The following SYT3 variants were observed in gnomAD, a reference collection of about 807,000 sequenced individuals.
SYT3 encodes the protein synaptotagmin-3.
A neutral mutation model predicts 50.6 loss-of-function variants in SYT3; 25 were observed. The ratio of observed to expected loss-of-function variants is 0.49; its 90% CI spans 0.36 to 0.69. The LOEUF (loss-of-function observed/expected upper bound fraction) is 0.69, where lower values mean the gene tolerates loss of function less well. Among genes scored for constraint, SYT3 ranks in the 30% least tolerant of loss-of-function variants. SYT3 has a pLI of 0.00. For synonymous variants in SYT3, 323 were observed against 353.9 expected (o/e 0.91, Z 0.98); for missense variants, 589 against 793.6 (o/e 0.74, Z 3.10).
chr19:50,631,690 C>T (rs1323405514), intron 4 of SYT3, among the ~76,000 whole-genome samples: 1 of 151,922 alleles, frequency 6.6e-6, no homozygotes, highest in East Asian at 1.9e-4. Context: ...ATCTCCACCT[C>T]CAGGAAGCTC....
At chr19:50,656,069 G>A in the SYT3 span, 1 of 1,536,026 alleles carries the variant, frequency 6.5e-7, no homozygotes. Flanking sequence ...TTATGGACCT[G>A]GAGACCCCAG....
the SYT3 span, among the ~76,000 whole-genome samples, chr19:50,645,660 C>A: frequency 6.6e-6 from 1 of 152,158 alleles, no homozygotes; most frequent in Non-Finnish European, 1.5e-5. Context: ...AGGCAGATAG[C>A]TTGAGCTCAA....
In SYT3 at chr19:50,638,234, A is replaced by G. The variant is rs1273856180; in HGVS notation, c.-16+791T>C. ...CGGGGGGCAGTGGCGCCAGGATGGG[A>G]AAAGCATTTTAAAGAAAAGCATTTT... On this transcript the variant is annotated intron_variant, in intron 2 of 10. Coordinates refer to ENST00000600079, the MANE Select transcript of SYT3 (RefSeq NM_001160329.2). Among the ~76,000 whole-genome samples the G allele has an allele frequency of 4.6e-5, 7 of 152,160 alleles. No individual in the cohort carries two copies. The East Asian group carries it at 1.2e-3, about 25-fold the overall frequency.
the SYT3 span, among the ~76,000 whole-genome samples, chr19:50,647,531 A>G: frequency 6.6e-6 from 1 of 151,452 alleles, no homozygotes; most frequent in East Asian, 1.9e-4. Context: ...AAAAAAATAA[A>G]TAGCTGGGCG....
At chr19:50,644,061 A>G (rs139165072), upstream of SYT3, among the ~76,000 whole-genome samples, 197 of 152,350 alleles carry the variant, frequency 1.3e-3, 1 homozygote, top group African/African-American at 4.3e-3. Context: ...TGTCAAGCAC[A>G]CAAGCCCCGT....
At chr19:50,658,078 C>G in the SYT3 span, 1 of 1,536,004 alleles carries the variant, frequency 6.5e-7, no homozygotes, top group Non-Finnish European at 8.7e-7. Flanking sequence ...TGAGCAGCAT[C>G]CGCTTTGAGA....
At chr19:50,630,226 G>T in intron 4 of SYT3, 55 bp from the exon 5 acceptor site, 1 of 1,451,906 alleles carries the variant, frequency 6.9e-7, no homozygotes, top group Non-Finnish European at 9.1e-7. Flanking sequence ...ATCTTCGACT[G>T]CATGCAGAGA....
the SYT3 span, chr19:50,649,443 G>C: frequency 1.3e-6 from 2 of 1,536,208 alleles, no homozygotes; most frequent in Middle Eastern, 1.7e-4. Flanking sequence ...CACCTTCCCA[G>C]GATGCAGCCA....
the SYT3 span, among the ~76,000 whole-genome samples, chr19:50,656,979 AGAAG>A: frequency 0.2 from 29,524 of 144,112 alleles, 3,460 homozygotes; most frequent in African/African-American, 0.3. Flanking sequence ...AAAGAAAGAA[AGAAG>A]GAAGGAAGGA....
At chr19:50,636,558 T>C (rs1026008251) in intron 3 of SYT3, among the ~76,000 whole-genome samples, 2 of 152,250 alleles carry the variant, frequency 1.3e-5, no homozygotes, top group Non-Finnish European at 2.9e-5. Flanking sequence ...CTTCCTCTGG[T>C]CACCGTTTCC....
Position 50,625,680 on chromosome 19 carries a change from C to G in SYT3, c.1403-116G>C. On this transcript the variant is annotated intron_variant, in intron 7 of 10. Coordinates refer to ENST00000600079, the MANE Select transcript of SYT3 (RefSeq NM_001160329.2). The surrounding 1 kb of genome is among the most constrained non-coding windows in gnomAD (Gnocchi z 7.5). ...CCCAGAGGTCCGGGGCCCCAGGCCC[C>G]CAGTCCCTCCTTCCTCAGGCCCAAG... The G allele has an allele frequency of 7.1e-7, 1 of 1,413,718 alleles. No homozygotes were observed. Among genetic ancestry groups the G allele is most frequent in the Non-Finnish European group, 9.4e-7 (1 of 1,061,996 alleles). 87.6% of individuals were successfully genotyped at this position (1,413,718 alleles called of 1,614,324 possible).
chr19:50,632,158 C>G lies in SYT3; in HGVS notation c.674+128G>C, dbSNP rs1984329428. 1 of 1,103,494 alleles carries G rather than the reference C, an allele frequency of 9.1e-7. No homozygotes were observed. Among genetic ancestry groups the G allele is most frequent in the Admixed American group, 2.5e-5 (1 of 39,902 alleles). 68.4% of individuals were successfully genotyped at this position (1,103,494 alleles called of 1,614,324 possible). On this transcript the variant is annotated intron_variant, in intron 4 of 10. Transcript: ENST00000600079. The surrounding 1 kb of genome is among the most constrained non-coding windows in gnomAD (Gnocchi z 4.7). ...TCTAGGGCCCCAGCCTCCTCTTTCC[C>G]TAAGATCCAGGAGTCAATACCCCGA...
chr19:50,634,424 C>T (rs1984425713), intron 3 of SYT3, among the ~76,000 whole-genome samples: 1 of 152,182 alleles, frequency 6.6e-6, no homozygotes, highest in Non-Finnish European at 1.5e-5. Flanking sequence ...GACATTAATC[C>T]TTATGACATT....
rs1044146912 is a variant in SYT3 at position 50,632,902 on chromosome 19, GCCATGCAATTGT to G, written c.149-103_149-92del. The G allele has an allele frequency of 6.2e-6, 7 of 1,129,094 alleles. No individual in the cohort carries two copies. In the African/African-American group the frequency reaches 1.1e-4, roughly 18 times the overall value. 69.9% of individuals were successfully genotyped at this position (1,129,094 alleles called of 1,614,324 possible). On this transcript the variant is annotated intron_variant, in intron 3 of 10. Coordinates refer to ENST00000600079, the MANE Select transcript of SYT3 (RefSeq NM_001160329.2). The surrounding 1 kb of genome is among the most constrained non-coding windows in gnomAD (Gnocchi z 4.7). ...CCCAAAGAGTTAACCCTTCATATTT[GCCATGCAATTGT>G]CCATGCAATTGCAAGTGCCAGGCAC...
Position 50,625,197 on chromosome 19 carries a change from G to A in SYT3, c.1672C>T (p.Arg558Cys), listed in dbSNP as rs1190070708. The A allele has an allele frequency of 6.2e-7, 1 of 1,602,680 alleles. No homozygotes were observed. The highest frequency in any genetic ancestry group is 1.3e-5 in the African/African-American group (1 of 74,976). ...EHWAEMLANP[R>C]KPVEHWHQLV... is the part of the protein sequence containing the mutation. ...TGATGCCAGTGCTCCACGGGCTTGC[G>A]GGGATTGGCCAGCATCTCTGCCCAG... The change falls in exon 9 of 11, where the codon CGC becomes TGC. Residue 558 changes from arginine to cysteine, a missense_variant. Transcript: ENST00000600079. This position sits in a 1 kb window ranked among gnomAD's most constrained non-coding sequence, Gnocchi z 7.5.
the SYT3 span, among the ~76,000 whole-genome samples, chr19:50,653,863 A>C: frequency 1.3e-5 from 2 of 152,044 alleles, no homozygotes; most frequent in Non-Finnish European, 2.9e-5. Context: ...TGGAAAGCAC[A>C]GGCAAGCCCA....
chr19:50,655,253 G>C, the SYT3 span, among the ~76,000 whole-genome samples: 1 of 152,160 alleles, frequency 6.6e-6, no homozygotes, highest in Admixed American at 6.5e-5. Context: ...GGCCATAAGA[G>C]AGAGACCAGT....
the SYT3 span, among the ~76,000 whole-genome samples, chr19:50,653,690 A>G: frequency 8.4e-4 from 20 of 23,926 alleles, no homozygotes; most frequent in African/African-American, 4.2e-3. Context: ...CAGCACACAC[A>G]CACACACACA....
At chr19:50,646,975 T>G in the SYT3 span, among the ~76,000 whole-genome samples, 5 of 151,864 alleles carry the variant, frequency 3.3e-5, no homozygotes. Flanking sequence ...GGACTACAGG[T>G]GCCCGCCACC....
Sources: gnomAD v4.1 joint callset for allele counts (sites outside exome capture counted in the v4.1 genomes callset) on GRCh38, gnomAD v4.1.1 for gene constraint, Gnocchi (gnomAD v3.1) non-coding constraint, MANE v1.5 for transcripts, NCBI Gene and HGNC (gene_info 2026-07-23, HGNC 2026-07-21) for gene names.